The following METTL15 variants were observed in gnomAD, a reference collection of about 807,000 sequenced individuals.
METTL15 encodes the protein methyltransferase 15, mitochondrial 12S rRNA N4-cytidine.
A neutral mutation model predicts 38.3 loss-of-function variants in METTL15; 34 were observed. The observed-to-expected ratio is 0.89, with a 90% confidence interval of 0.68 to 1.18. The LOEUF is 1.18. METTL15 is among the 50% of genes most tolerant of loss of function. The pLI is 0.00. For synonymous variants in METTL15, 162 were observed against 170.9 expected, an observed-to-expected ratio of 0.95 and a Z score of 0.41; for missense variants, 438 against 498.4, an observed-to-expected ratio of 0.88 and a Z score of 1.15.
intron 4 of METTL15, among the ~76,000 whole-genome samples, chr11:28,232,464 T>C (rs1385467996): frequency 1.3e-5 from 2 of 151,702 alleles, no homozygotes; most frequent in Non-Finnish European, 2.9e-5. Flanking sequence ...GCATGCGAAC[T>C]CCTATGCATA....
intron 5 of METTL15, among the ~76,000 whole-genome samples, chr11:28,382,608 CA>C: frequency 6.6e-6 from 1 of 151,944 alleles, no homozygotes; most frequent in South Asian, 2.1e-4. Context: ...CTGAGCCAGG[CA>C]GATCACCTGA....
chr11:28,520,253 A>G (rs1487055594), intron 6 of METTL15, among the ~76,000 whole-genome samples: 1 of 151,946 alleles, frequency 6.6e-6, no homozygotes, highest in South Asian at 2.1e-4. Flanking sequence ...TGGGAGGATC[A>G]CCTGAGCCTG....
rs906777245 is a variant in METTL15 at position 28,258,175 on chromosome 11, C to A, written c.408-32031C>A. On this transcript the variant is annotated intron_variant, in intron 4 of 6. Coordinates refer to ENST00000407364, the MANE Select transcript of METTL15 (RefSeq NM_001113528.2). ...GTCATGGACAAGATTCAGAAGAATT[C>A]TCTGGATTATTAGGCAGAGACTTTC... Among the ~76,000 whole-genome samples, 9 of 152,140 alleles carry A rather than the reference C, an allele frequency of 5.9e-5. 1 individual carries two copies. Among genetic ancestry groups the A allele is most frequent in the African/African-American group, 1.9e-4 (8 of 41,446 alleles).
At chr11:28,279,576 TG>T (rs1382406275) in intron 4 of METTL15, among the ~76,000 whole-genome samples, 3 of 152,214 alleles carry the variant, frequency 2.0e-5, no homozygotes, top group African/African-American at 4.8e-5. Context: ...GAGGTTACTT[TG>T]GTGATCACAA....
chr11:28,262,811 T>G (rs766395681), intron 4 of METTL15, among the ~76,000 whole-genome samples: 4 of 152,150 alleles, frequency 2.6e-5, no homozygotes, highest in Non-Finnish European at 5.9e-5. Flanking sequence ...TTCTTGCTAT[T>G]GTGGCTTTTC....
At chr11:28,165,379 C>A (rs1850621959) in intron 3 of METTL15, among the ~76,000 whole-genome samples, 1 of 152,074 alleles carries the variant, frequency 6.6e-6, no homozygotes, top group South Asian at 2.1e-4. Flanking sequence ...AGCCATTCTA[C>A]AGTTATAAGG....
intron 6 of METTL15, among the ~76,000 whole-genome samples, chr11:28,469,823 G>A (rs1217346700): frequency 1.3e-5 from 2 of 151,952 alleles, no homozygotes; most frequent in Non-Finnish European, 2.9e-5. Context: ...AACAGGACAC[G>A]GGAATGTAAC....
chr11:28,159,571 CTG>C (rs953929936), intron 3 of METTL15, among the ~76,000 whole-genome samples: 10 of 152,142 alleles, frequency 6.6e-5, no homozygotes, highest in African/African-American at 2.4e-4. Flanking sequence ...GAAATGAAGA[CTG>C]TAATTATCAT....
intron 4 of METTL15, among the ~76,000 whole-genome samples, chr11:28,279,123 A>G (rs999777319): frequency 6.6e-6 from 1 of 152,272 alleles, no homozygotes; most frequent in Middle Eastern, 3.4e-3. Context: ...CGCTGTGCCC[A>G]GCTGGCCTTA....
chr11:28,243,816 A>G (rs971784503), intron 4 of METTL15, among the ~76,000 whole-genome samples: 2 of 152,192 alleles, frequency 1.3e-5, no homozygotes, highest in Non-Finnish European at 2.9e-5. Context: ...AAAGAAAAAA[A>G]TAAGAACTTT....
At chr11:28,237,792 C>T (rs1394285287) in intron 4 of METTL15, among the ~76,000 whole-genome samples, 1 of 152,098 alleles carries the variant, frequency 6.6e-6, no homozygotes, top group Non-Finnish European at 1.5e-5. Context: ...GTGTGGATGT[C>T]CTTTCTGTTT....
intron 3 of METTL15, among the ~76,000 whole-genome samples, chr11:28,130,719 A>G (rs913680713): frequency 6.6e-6 from 1 of 152,210 alleles, no homozygotes; most frequent in Admixed American, 6.5e-5. Flanking sequence ...TATAAGTACA[A>G]ACACTTAAAC....
chr11:28,413,706 A>T (rs1344402613), intron 5 of METTL15, among the ~76,000 whole-genome samples: 1 of 152,220 alleles, frequency 6.6e-6, no homozygotes, highest in Non-Finnish European at 1.5e-5. Flanking sequence ...AATGTGGCTC[A>T]TACTAGACAA....
At chr11:28,428,215 C>T (rs575783825) in intron 6 of METTL15, among the ~76,000 whole-genome samples, 102 of 152,236 alleles carry the variant, frequency 6.7e-4, no homozygotes, top group African/African-American at 2.4e-3. Flanking sequence ...GCCTATTGCT[C>T]CTAAGCTATA....
chr11:28,245,250 G>A (rs1049142933), intron 4 of METTL15, among the ~76,000 whole-genome samples: 1 of 152,120 alleles, frequency 6.6e-6, no homozygotes, highest in Non-Finnish European at 1.5e-5. Context: ...GTCCTCATTT[G>A]TAAAATGATG....
At chr11:28,327,807 C>T in intron 6 of METTL15, 1 of 266,574 alleles carries the variant, frequency 3.8e-6, no homozygotes. Context: ...TGAAACATTC[C>T]ATTTTCATTA....
intron 4 of METTL15, among the ~76,000 whole-genome samples, chr11:28,285,361 GA>G (rs1466400084): frequency 2.2e-5 from 3 of 138,306 alleles, no homozygotes; most frequent in Admixed American, 7.2e-5. Context: ...AACATCATGA[GA>G]TTTTTTTTTT....
chr11:28,400,963 G>A (rs1391633300), intron 5 of METTL15, among the ~76,000 whole-genome samples: 1 of 151,938 alleles, frequency 6.6e-6, no homozygotes, highest in Non-Finnish European at 1.5e-5. Context: ...AGTCTATGTG[G>A]TGTACAAAAA....
intron 6 of METTL15, among the ~76,000 whole-genome samples, chr11:28,326,574 A>T (rs1162926857): frequency 6.6e-6 from 1 of 151,102 alleles, no homozygotes; most frequent in African/African-American, 2.4e-5. Flanking sequence ...GTGCCATTTT[A>T]TTTTAATTTT....
Sources: allele counts gnomAD v4.1 joint callset (sites outside exome capture counted in the v4.1 genomes callset), GRCh38; gene constraint gnomAD v4.1.1; transcripts MANE v1.5; gene names NCBI Gene and HGNC (gene_info 2026-07-23, HGNC 2026-07-21).